HERC1: variants seen among roughly 807,000 people sequenced by gnomAD.
HERC1 encodes the protein HECT and RLD domain containing E3 ubiquitin protein ligase family member 1, also known as probable E3 ubiquitin-protein ligase HERC1.
In HERC1, 160 loss-of-function variants were observed where a neutral mutation model predicts 554.3. The ratio of observed to expected loss-of-function variants is 0.29; its 90% CI spans 0.25 to 0.33. The LOEUF (loss-of-function observed/expected upper bound fraction) is 0.33. Ranked by LOEUF, HERC1 falls within the 10% of genes least tolerant of loss-of-function variation. HERC1 has a pLI of 1.00. For synonymous variants in HERC1, 2,175 were observed against 2,131.7 expected (o/e 1.02, Z -0.56); for missense variants, 4,919 against 5,918.5 (o/e 0.83, Z 5.54).
At chr15:63,703,545 A>G (rs1334773435) in intron 25 of HERC1, among the ~76,000 whole-genome samples, 3 of 152,094 alleles carry the variant, frequency 2.0e-5, no homozygotes, top group Non-Finnish European at 4.4e-5. Context: ...TGTATGAGGG[A>G]AAACATTTTA....
intron 76 of HERC1, among the ~76,000 whole-genome samples, chr15:63,614,320 C>T (rs2067724369): frequency 1.3e-5 from 2 of 152,212 alleles, no homozygotes; most frequent in South Asian, 2.1e-4. Flanking sequence ...ACAGAGCTGG[C>T]AATCCTTACC....
In HERC1 at chr15:63,772,798, C is replaced by T. The variant is rs138371120; in HGVS notation, c.930+1896G>A. On this transcript the variant is annotated intron_variant, in intron 2 of 77. Coordinates refer to ENST00000443617, the MANE Select transcript of HERC1 (RefSeq NM_003922.4). ...AACATTCCATATCCCAAACAAAGCACGGCATGCTTTTCTTATTTATTTTTA... is the reference window on the plus strand; with the variant it reads ...AACATTCCATATCCCAAACAAAGCATGGCATGCTTTTCTTATTTATTTTTA... Among the ~76,000 whole-genome samples the T allele has an allele frequency of 7.2e-5, 11 of 152,168 alleles. No individual in the cohort carries two copies. In the East Asian group the frequency reaches 2.1e-3, roughly 29 times the overall value.
intron 12 of HERC1, among the ~76,000 whole-genome samples, chr15:63,743,816 T>G (rs2074925209): frequency 6.6e-6 from 1 of 152,228 alleles, no homozygotes; most frequent in Non-Finnish European, 1.5e-5. Flanking sequence ...GATTGGTCCT[T>G]GGTGCCTTCT....
chr15:63,619,320 C>G (rs527753120), intron 74 of HERC1, among the ~76,000 whole-genome samples: 1 of 148,456 alleles, frequency 6.7e-6, no homozygotes, highest in Non-Finnish European at 1.5e-5. Context: ...GTATGTTGAA[C>G]CAGCCTTGCA....
chr15:63,720,054 C>T (rs892267750), intron 19 of HERC1, among the ~76,000 whole-genome samples: 1 of 146,460 alleles, frequency 6.8e-6, no homozygotes, highest in Non-Finnish European at 1.5e-5. Context: ...AGTTGAAAAC[C>T]GAAATCACAA....
At chr15:63,624,085 T>G in intron 72 of HERC1, 73 bp downstream of exon 72, 1 of 1,414,652 alleles carries the variant, frequency 7.1e-7, no homozygotes, top group Non-Finnish European at 9.8e-7. Context: ...AAACCAAGAC[T>G]CACAGAAATT....
chr15:63,777,968 C>A (rs1213550485), intron 1 of HERC1, among the ~76,000 whole-genome samples: 2 of 152,096 alleles, frequency 1.3e-5, no homozygotes, highest in African/African-American at 4.8e-5. Context: ...GCTAGTTATA[C>A]CAACACCATT....
At chr15:63,621,570 A>C (rs1366525511) in intron 74 of HERC1, among the ~76,000 whole-genome samples, 1 of 152,062 alleles carries the variant, frequency 6.6e-6, no homozygotes, top group East Asian at 1.9e-4. Context: ...GTTCTCCTGG[A>C]TACTATCCTG....
chr15:63,697,148 G>C (rs952109280), intron 26 of HERC1, among the ~76,000 whole-genome samples: 1 of 151,906 alleles, frequency 6.6e-6, no homozygotes, highest in African/African-American at 2.4e-5. Flanking sequence ...AAGACTATTT[G>C]GATTTTAGTT....
At chr15:63,609,921 A>C (rs2067516132) in intron 77 of HERC1, among the ~76,000 whole-genome samples, 1 of 152,190 alleles carries the variant, frequency 6.6e-6, no homozygotes, top group South Asian at 2.1e-4. Flanking sequence ...AGGAGGTTAA[A>C]GGCAGAAAAA....
At chr15:63,829,561 G>GTGTGTGTGTGTATATATATATA (rs1220043639) in intron 1 of HERC1, among the ~76,000 whole-genome samples, 1 of 81,762 alleles carries the variant, frequency 1.2e-5, no homozygotes, top group African/African-American at 5.2e-5. Flanking sequence ...GTGTGTGTGT[G>GTGTGTGTGTGTATATATATATA]TATATATATA....
At chr15:63,825,856 G>C (rs1208864492) in intron 1 of HERC1, among the ~76,000 whole-genome samples, 1 of 151,770 alleles carries the variant, frequency 6.6e-6, no homozygotes, top group African/African-American at 2.4e-5. Context: ...TCCACCTCCT[G>C]GGTTCAAGTG....
Position 63,669,571 on chromosome 15 carries a change from CAGG to C in HERC1, c.8170_8172del (p.Pro2724del). 6.2e-7 allele frequency: 1 copy of C among 1,613,820 alleles called. No individual in the cohort carries two copies. The highest frequency in any genetic ancestry group is 8.5e-7 in the Non-Finnish European group (1 of 1,179,734). ...TTAGCTGGCCTTGCTGACTGGGAAT[CAGG>C]AGAAGTTAAACTTTGCCTCCTTCCT... On this transcript the variant is annotated inframe_deletion, in exon 40 of 78. Coordinates refer to ENST00000443617, the MANE Select transcript of HERC1 (RefSeq NM_003922.4).
In HERC1 at chr15:63,723,230, G is replaced by C; in HGVS notation, c.3694C>G (p.Pro1232Ala). The C allele has an allele frequency of 1.3e-6, 2 of 1,592,924 alleles. No homozygotes were observed. The highest frequency in any genetic ancestry group is 1.7e-6 in the Non-Finnish European group (2 of 1,168,944). ...ATGCTGATCCAAAGGCTTCGGGCAG[G>C]CTCTTTAGAACAACCCAATGCCAAG... ...VDLALGCSKE[P>A]ARSLWISMQD... The change falls in exon 19 of 78, where the codon CCT (proline) becomes GCT (alanine). Residue 1232 changes from proline to alanine, a missense_variant. Physicochemically the swap from Pro to Ala is conservative, Grantham distance 27. Around this residue, in one of 11 missense-constraint regions of HERC1, gnomAD observed 1,121 missense variants for 1,244.0 expected, o/e 0.90. Transcript: ENST00000443617.
rs117214067 is a variant in HERC1, at chr15:63,693,818, G to A, written c.5674+146C>T. The A allele has an allele frequency of 7.8e-3, 6,376 of 821,572 alleles. 47 individuals are homozygous for A. The highest frequency in any genetic ancestry group is 1.0e-2 in the Non-Finnish European group (5,258 of 527,918). The allele number at this position is 821,572 out of a possible 1,614,324, so 50.9% of individuals were successfully genotyped here. A position where few individuals can be genotyped will look rare whatever the true frequency, so the allele number is the denominator to read the frequency against. ...AGAAGCTCATCTAAATCATATATAC[G>A]TGAAGAGAAAAGAGGTTTGTAAATA... is the stretch of plus-strand genomic sequence containing the variant. On this transcript the variant is annotated intron_variant, in intron 30 of 77. Coordinates refer to ENST00000443617, the MANE Select transcript of HERC1 (RefSeq NM_003922.4).
At position 63,608,649 on chromosome 15, in the gene HERC1, A is replaced by G. The variant is rs1393760529; in HGVS notation, c.*432T>C. ...TCCTGAATCTGCTTTATTTCTCTGC[A>G]TAAGGAACCCTGAACAGGCAATTCA... On this transcript the variant is annotated 3_prime_UTR_variant, in exon 78 of 78. Transcript: ENST00000443617. 1 of 156,056 alleles carries G rather than the reference A, an allele frequency of 6.4e-6. No homozygotes were observed. Among genetic ancestry groups the G allele is most frequent in the Non-Finnish European group, 1.4e-5 (1 of 70,292 alleles). The allele number at this position is 156,056 out of a possible 1,614,324, so 9.7% of individuals were successfully genotyped here. A position where few individuals can be genotyped will look rare whatever the true frequency, so the allele number is the denominator to read the frequency against.
At chr15:63,829,280 G>A (rs1257098651) in intron 1 of HERC1, among the ~76,000 whole-genome samples, 2 of 151,476 alleles carry the variant, frequency 1.3e-5, no homozygotes, top group Non-Finnish European at 2.9e-5. Context: ...AAATCAGCGG[G>A]GCATGGTGGG....
At position 63,609,029 on chromosome 15, in the gene HERC1, C is replaced by T; in HGVS notation, c.*52G>A. ...CCATAAAAGTATATCAACATCAAAT[C>T]AGAAGTGAGCATTATTGAGGGAGAG... On this transcript the variant is annotated 3_prime_UTR_variant, in exon 78 of 78. Coordinates refer to ENST00000443617, the MANE Select transcript of HERC1 (RefSeq NM_003922.4). 1.3e-6 allele frequency: 2 copies of T among 1,511,856 alleles called. No individual in the cohort carries two copies. The highest frequency in any genetic ancestry group is 1.8e-6 in the Non-Finnish European group (2 of 1,106,036). The allele number at this position is 1,511,856 out of a possible 1,614,324, so 93.7% of individuals were successfully genotyped here.
intron 1 of HERC1, among the ~76,000 whole-genome samples, chr15:63,820,944 C>A (rs2077668859): frequency 6.6e-6 from 1 of 152,192 alleles, no homozygotes; most frequent in South Asian, 2.1e-4. Flanking sequence ...TAAACACTTG[C>A]AACCAGAACA....
Sources: allele counts gnomAD v4.1 joint callset (sites outside exome capture counted in the v4.1 genomes callset), GRCh38; gene constraint gnomAD v4.1.1; regional missense constraint gnomAD v4.1.1; transcripts MANE v1.5; gene names NCBI Gene and HGNC (gene_info 2026-07-23, HGNC 2026-07-21).